MARCHF3: variants seen among roughly 807,000 people sequenced by gnomAD.
MARCHF3 encodes E3 ubiquitin-protein ligase MARCHF3.
In MARCHF3, 13 loss-of-function variants were observed where a neutral mutation model predicts 24.2. The ratio of observed to expected loss-of-function variants is 0.54; its 90% CI spans 0.35 to 0.85. MARCHF3 has a LOEUF of 0.85. MARCHF3 is among the 40% of genes least tolerant of loss of function. The pLI is 0.01. For synonymous variants in MARCHF3, 144 were observed against 137.3 expected (o/e 1.05, Z -0.34); for missense variants, 276 against 325.0 (o/e 0.85, Z 1.16).
intron 1 of MARCHF3, among the ~76,000 whole-genome samples, chr5:127,005,197 C>A (rs1205246016): frequency 7.0e-6 from 1 of 141,980 alleles, no homozygotes; most frequent in Non-Finnish European, 1.5e-5. Flanking sequence ...AATACAGTGG[C>A]ACGATCTCAG....
At chr5:126,991,313 C>T (rs1751750678) in intron 1 of MARCHF3, among the ~76,000 whole-genome samples, 1 of 152,122 alleles carries the variant, frequency 6.6e-6, no homozygotes, top group South Asian at 2.1e-4. Context: ...AAACCAAATA[C>T]CGCATGTTCT....
At chr5:126,921,585 G>A (rs1438732188) in intron 1 of MARCHF3, among the ~76,000 whole-genome samples, 1 of 152,208 alleles carries the variant, frequency 6.6e-6, no homozygotes, top group African/African-American at 2.4e-5. Flanking sequence ...GTTTGCAGTC[G>A]AGCATGGGTC....
At chr5:126,988,590 C>G (rs966157211) in intron 1 of MARCHF3, among the ~76,000 whole-genome samples, 1 of 152,078 alleles carries the variant, frequency 6.6e-6, no homozygotes, top group African/African-American at 2.4e-5. Flanking sequence ...CAAGATTTAA[C>G]TACATAAATT....
intron 1 of MARCHF3, among the ~76,000 whole-genome samples, chr5:126,964,598 G>GT (rs1378502870): frequency 6.6e-6 from 1 of 152,222 alleles, no homozygotes; most frequent in Non-Finnish European, 1.5e-5. Flanking sequence ...AGTCCAGTGA[G>GT]TTTTTTTCTT....
chr5:126,890,932 C>T (rs1337552114), intron 3 of MARCHF3, among the ~76,000 whole-genome samples: 1 of 149,298 alleles, frequency 6.7e-6, no homozygotes, highest in Non-Finnish European at 1.5e-5. Flanking sequence ...TATTTCTCCA[C>T]ATCCTCTCCA....
At chr5:126,981,750 T>C (rs1751402325) in intron 1 of MARCHF3, among the ~76,000 whole-genome samples, 1 of 152,216 alleles carries the variant, frequency 6.6e-6, no homozygotes, top group Admixed American at 6.5e-5. Flanking sequence ...AGGAAAATAT[T>C]ACATCAAATA....
intron 1 of MARCHF3, among the ~76,000 whole-genome samples, chr5:126,979,428 C>T (rs73786256): frequency 6.6e-6 from 1 of 152,138 alleles, no homozygotes; most frequent in Admixed American, 6.5e-5. Flanking sequence ...AAATGCAGAT[C>T]CATTTTGGGA....
Position 127,014,421 on chromosome 5 carries a change from G to GTTA in MARCHF3, c.-57+15928_-57+15929insTAA, listed in dbSNP as rs879570688. The stretch of plus-strand genomic sequence containing the variant: ...GAGATTCCTCAAAAAACTAAAAACA[G>GTTA]AACTACTGTACGATCCAGCAATCCC... On this transcript the variant is annotated intron_variant, in intron 1 of 4. Coordinates refer to ENST00000308660, the MANE Select transcript of MARCHF3 (RefSeq NM_178450.5). Among the ~76,000 whole-genome samples the GTTA allele has an allele frequency of 4.6e-3, 698 of 152,174 alleles. 3 individuals carry two copies. Among genetic ancestry groups the GTTA allele is most frequent in the Middle Eastern group, 0.034 (10 of 294 alleles).
chr5:126,987,161 G>A (rs545541957), intron 1 of MARCHF3, among the ~76,000 whole-genome samples: 29 of 152,198 alleles, frequency 1.9e-4, no homozygotes, highest in Non-Finnish European at 3.5e-4. Context: ...GGAGAAGAAG[G>A]AATTCTGCCT....
At chr5:126,911,964 C>T (rs1754549541) in intron 3 of MARCHF3, among the ~76,000 whole-genome samples, 1 of 152,248 alleles carries the variant, frequency 6.6e-6, no homozygotes, top group Non-Finnish European at 1.5e-5. Context: ...TGCTCACCCT[C>T]TTCCACAGGG....
At chr5:126,914,806 A>T in intron 3 of MARCHF3, 124 bp downstream of exon 3, 1 of 837,642 alleles carries the variant, frequency 1.2e-6, no homozygotes, top group African/African-American at 1.7e-5. Flanking sequence ...ACACACACAC[A>T]CACACAGTCA....
chr5:127,025,672 C>T lies in MARCHF3; in HGVS notation c.-57+4678G>A, dbSNP rs1473814291. Reference sequence around the variant, plus strand: ...CCACAGATGAGTGCATCTGTCACTTCATTCATCTGAATCTTAAATTTCCCC... The same window carrying T: ...CCACAGATGAGTGCATCTGTCACTTTATTCATCTGAATCTTAAATTTCCCC... On this transcript the variant is annotated intron_variant, in intron 1 of 4. Transcript: ENST00000308660. Among the ~76,000 whole-genome samples, 5 of 152,312 alleles carry T rather than the reference C, an allele frequency of 3.3e-5. 1 individual carries two copies. Among genetic ancestry groups the T allele is most frequent in the Non-Finnish European group, 7.3e-5 (5 of 68,032 alleles).
At chr5:126,903,105 T>G (rs1754160493) in intron 3 of MARCHF3, among the ~76,000 whole-genome samples, 1 of 152,066 alleles carries the variant, frequency 6.6e-6, no homozygotes, top group African/African-American at 2.4e-5. Flanking sequence ...AGGAGATCAG[T>G]AGGTTCGGTC....
At chr5:127,012,236 T>C (rs1317434054) in intron 1 of MARCHF3, among the ~76,000 whole-genome samples, 1 of 152,204 alleles carries the variant, frequency 6.6e-6, no homozygotes, top group Non-Finnish European at 1.5e-5. Flanking sequence ...TGATTTCCAG[T>C]TCAGGATATC....
At chr5:126,880,882 C>G (rs1469025723) in intron 3 of MARCHF3, among the ~76,000 whole-genome samples, 1 of 152,190 alleles carries the variant, frequency 6.6e-6, no homozygotes, top group Non-Finnish European at 1.5e-5. Context: ...CACAGAAACA[C>G]TGACCTCATT....
intron 1 of MARCHF3, among the ~76,000 whole-genome samples, chr5:126,958,690 A>T (rs537061093): frequency 1.3e-3 from 194 of 152,116 alleles, no homozygotes; most frequent in African/African-American, 4.2e-3. Flanking sequence ...CTTTTTTTTT[A>T]AAAATGCCAC....
intron 1 of MARCHF3, among the ~76,000 whole-genome samples, chr5:126,921,634 A>C (rs1245592236): frequency 6.6e-6 from 1 of 152,216 alleles, no homozygotes; most frequent in Non-Finnish European, 1.5e-5. Context: ...GCACTATCTG[A>C]CTGCTTTCTT....
chr5:126,954,946 C>T (rs888156660), intron 1 of MARCHF3, among the ~76,000 whole-genome samples: 6 of 152,032 alleles, frequency 3.9e-5, no homozygotes, highest in African/African-American at 1.2e-4. Flanking sequence ...TTTTTCAGTA[C>T]ATTTTAATAT....
At chr5:126,890,936 C>T (rs1206569285) in intron 3 of MARCHF3, among the ~76,000 whole-genome samples, 1 of 149,346 alleles carries the variant, frequency 6.7e-6, no homozygotes, top group East Asian at 2.0e-4. Context: ...TCTCCACATC[C>T]TCTCCAGCAC....
Sources: allele counts gnomAD v4.1 joint callset (sites outside exome capture counted in the v4.1 genomes callset), GRCh38; gene constraint gnomAD v4.1.1; transcripts MANE v1.5; gene names NCBI Gene and HGNC (gene_info 2026-07-23, HGNC 2026-07-21).